The following GPHN variants were observed in gnomAD, a reference collection of about 807,000 sequenced individuals.
The protein encoded by GPHN is gephyrin.
Under a neutral mutation model 95.5 loss-of-function variants are expected in GPHN, and 17 were observed. The ratio of observed to expected loss-of-function variants is 0.18; its 90% CI spans 0.12 to 0.27. The LOEUF (loss-of-function observed/expected upper bound fraction) is 0.27. Ranked by LOEUF, GPHN falls within the 10% of genes least tolerant of loss-of-function variation. The pLI, the probability that GPHN is intolerant of heterozygous loss-of-function variation, is 1.00. For missense variants in GPHN, 660 were observed against 978.1 expected (o/e 0.67, Z 4.34); for synonymous variants, 320 against 322.5 (o/e 0.99, Z 0.08).
At chr14:66,973,749 C>T (rs2069993633) in intron 9 of GPHN, among the ~76,000 whole-genome samples, 1 of 152,042 alleles carries the variant, frequency 6.6e-6, no homozygotes, top group Non-Finnish European at 1.5e-5. Context: ...CAGAGCAAGA[C>T]TCTGTCTCAA....
the GPHN span, chr14:67,592,061 C>T: frequency 6.3e-6 from 1 of 158,010 alleles, no homozygotes; most frequent in Non-Finnish European, 1.4e-5. Context: ...AAAAAGTGTA[C>T]AGTAGTAGAC....
chr14:66,752,631 T>C (rs1005296297), intron 2 of GPHN, among the ~76,000 whole-genome samples: 1 of 152,022 alleles, frequency 6.6e-6, no homozygotes, highest in Admixed American at 6.6e-5. Context: ...AGGTTAATTA[T>C]TACAGTTTAC....
chr14:66,611,793 T>C (rs535804491), intron 1 of GPHN, among the ~76,000 whole-genome samples: 1 of 152,284 alleles, frequency 6.6e-6, no homozygotes, highest in East Asian at 1.9e-4. Context: ...CTTTCCATTC[T>C]CCCTATCATT....
At chr14:67,523,208 A>G in the GPHN span, among the ~76,000 whole-genome samples, 46 of 152,180 alleles carry the variant, frequency 3.0e-4, 1 homozygote, top group East Asian at 6.4e-3. Flanking sequence ...CTGTAATCCC[A>G]GCTACTCGGG....
the GPHN span, among the ~76,000 whole-genome samples, chr14:67,483,847 G>A: frequency 2.6e-5 from 4 of 152,232 alleles, no homozygotes; most frequent in Non-Finnish European, 5.9e-5. Flanking sequence ...ATGTCAGGAG[G>A]AGCGGTCCGA....
At chr14:67,254,054 T>A in the GPHN span, 1 of 141,356 alleles carries the variant, frequency 7.1e-6, no homozygotes, top group Admixed American at 7.3e-5. Context: ...TTTCTTAGGA[T>A]GCTCTTCTTC....
At chr14:67,580,038 C>G in the GPHN span, 13 of 648,602 alleles carry the variant, frequency 2.0e-5, no homozygotes, top group Admixed American at 2.7e-4. Context: ...TAAAATGTAC[C>G]TGGGCAGGGA....
chr14:67,420,588 C>T, the GPHN span, among the ~76,000 whole-genome samples: 1 of 152,192 alleles, frequency 6.6e-6, no homozygotes, highest in East Asian at 1.9e-4. Flanking sequence ...CAGGACAGCC[C>T]ATAGGTAGTC....
At chr14:66,999,408 T>C (rs1399552039) in intron 9 of GPHN, among the ~76,000 whole-genome samples, 1 of 151,924 alleles carries the variant, frequency 6.6e-6, no homozygotes, top group African/African-American at 2.4e-5. Context: ...TTCAAGAAAA[T>C]GTTAGACATC....
the GPHN span, chr14:67,725,268 G>A: frequency 3.7e-6 from 6 of 1,612,330 alleles, no homozygotes; most frequent in African/African-American, 1.3e-5. Flanking sequence ...AGGTCCTGAT[G>A]GGTAGGTAGA....
chr14:66,866,276 G>A (rs2063218830), intron 4 of GPHN, among the ~76,000 whole-genome samples: 2 of 151,358 alleles, frequency 1.3e-5, no homozygotes, highest in Admixed American at 6.6e-5. Context: ...TTTTTTTAAC[G>A]TAGGTTGAAA....
At chr14:67,615,671 T>C in the GPHN span, 1 of 521,656 alleles carries the variant, frequency 1.9e-6, no homozygotes, top group Admixed American at 2.3e-5. Flanking sequence ...TTTGAAGCTA[T>C]GGCAAGGGCA....
intron 10 of GPHN, 32 bp from the exon 11 acceptor site, chr14:67,058,617 T>A (rs2075698853): frequency 6.3e-7 from 1 of 1,594,828 alleles, no homozygotes; most frequent in Non-Finnish European, 8.6e-7. Context: ...TGTTACAGCA[T>A]CATATTCTTA....
At chr14:67,180,389 G>A (rs562582234) in intron 22 of GPHN, among the ~76,000 whole-genome samples, 3 of 152,170 alleles carry the variant, frequency 2.0e-5, no homozygotes, top group Non-Finnish European at 4.4e-5. Flanking sequence ...AGTCTTGTGA[G>A]AATCAAATAA....
At chr14:66,998,473 T>G (rs2071966905) in intron 9 of GPHN, among the ~76,000 whole-genome samples, 1 of 152,226 alleles carries the variant, frequency 6.6e-6, no homozygotes. Context: ...AATTTTAGAC[T>G]GTAAACCTTA....
the GPHN span, among the ~76,000 whole-genome samples, chr14:67,524,670 G>A: frequency 1.3e-4 from 20 of 152,290 alleles, no homozygotes; most frequent in Non-Finnish European, 2.6e-4. Context: ...ACTTAACTCT[G>A]TCCCCAGACT....
chr14:66,832,262 G>C (rs2061607521), intron 4 of GPHN, among the ~76,000 whole-genome samples: 2 of 152,318 alleles, frequency 1.3e-5, no homozygotes, highest in South Asian at 4.1e-4. Flanking sequence ...GACTTTTCAA[G>C]TAGTAAATGG....
At chr14:67,538,726 C>T in the GPHN span, among the ~76,000 whole-genome samples, 1 of 152,184 alleles carries the variant, frequency 6.6e-6, no homozygotes, top group African/African-American at 2.4e-5. Flanking sequence ...GAGTCCCAAC[C>T]TCCTCAGCAA....
At chr14:67,574,352 A>G in the GPHN span, 1 of 1,597,074 alleles carries the variant, frequency 6.3e-7, no homozygotes, top group Non-Finnish European at 8.5e-7. This position sits in a 1 kb window ranked among gnomAD's most constrained non-coding sequence, Gnocchi z 4.2. Context: ...CCGGGCCTCC[A>G]GCTCTGCTTC....
Sources: allele counts gnomAD v4.1 joint callset (sites outside exome capture counted in the v4.1 genomes callset), GRCh38; gene constraint gnomAD v4.1.1; non-coding constraint Gnocchi (gnomAD v3.1); transcripts MANE v1.5; gene names NCBI Gene and HGNC (gene_info 2026-07-23, HGNC 2026-07-21).